Variants in CNTNAP2 observed in about 807,000 individuals in gnomAD.
CNTNAP2 encodes the protein contactin associated protein 2.
In CNTNAP2, 98 loss-of-function variants were observed where a neutral mutation model predicts 155.2. The ratio of observed to expected loss-of-function variants is 0.63; its 90% CI spans 0.54 to 0.75. The LOEUF (loss-of-function observed/expected upper bound fraction) is 0.75. Among genes scored for constraint, CNTNAP2 ranks in the 30% least tolerant of loss-of-function variants. The pLI is 0.00. For synonymous variants in CNTNAP2, 651 were observed against 631.2 expected (o/e 1.03, Z -0.47); for missense variants, 1,727 against 1,688.1 (o/e 1.02, Z -0.40).
chr7:146,989,490 G>T (rs952416483), intron 3 of CNTNAP2, among the ~76,000 whole-genome samples: 8 of 151,958 alleles, frequency 5.3e-5, no homozygotes, highest in Non-Finnish European at 1.2e-4. Context: ...AAGAGATCTT[G>T]TCAGCACATA....
At chr7:147,374,126 A>G (rs1796395289) in intron 9 of CNTNAP2, among the ~76,000 whole-genome samples, 1 of 152,054 alleles carries the variant, frequency 6.6e-6, no homozygotes, top group East Asian at 1.9e-4. Flanking sequence ...GAAACTGTAA[A>G]CAAACCTTCA....
chr7:146,362,971 A>G (rs1290409757), intron 1 of CNTNAP2, among the ~76,000 whole-genome samples: 1 of 151,862 alleles, frequency 6.6e-6, no homozygotes, highest in Non-Finnish European at 1.5e-5. Flanking sequence ...GGGTTTCACC[A>G]TGTTGGCCAG....
At chr7:147,118,102 AT>A (rs979437380) in intron 5 of CNTNAP2, among the ~76,000 whole-genome samples, 8 of 152,206 alleles carry the variant, frequency 5.3e-5, no homozygotes, top group East Asian at 1.9e-4. Context: ...AAAGAAAAAA[AT>A]ATTATATAAA....
At chr7:146,358,091 G>A (rs375374309) in intron 1 of CNTNAP2, among the ~76,000 whole-genome samples, 3 of 151,872 alleles carry the variant, frequency 2.0e-5, no homozygotes, top group African/African-American at 7.3e-5. Context: ...CTGGAGTGCA[G>A]TGGCATGATC....
At chr7:147,405,442 T>C (rs1212034604) in intron 10 of CNTNAP2, among the ~76,000 whole-genome samples, 1 of 152,206 alleles carries the variant, frequency 6.6e-6, no homozygotes, top group African/African-American at 2.4e-5. Context: ...CTCATGGACA[T>C]GTACCATTCT....
intron 15 of CNTNAP2, among the ~76,000 whole-genome samples, chr7:148,097,734 G>A (rs1003951173): frequency 6.6e-6 from 1 of 152,098 alleles, no homozygotes; most frequent in African/African-American, 2.4e-5. Flanking sequence ...AGCCCTCCTC[G>A]GCTGTTAGAG....
chr7:146,738,880 A>T (rs918920506), intron 1 of CNTNAP2, among the ~76,000 whole-genome samples: 1 of 149,888 alleles, frequency 6.7e-6, no homozygotes, highest in South Asian at 2.1e-4. Flanking sequence ...TAGATGGTGT[A>T]TATCAAGGAA....
chr7:147,205,738 C>G (rs1292735525), intron 8 of CNTNAP2, among the ~76,000 whole-genome samples: 2 of 150,748 alleles, frequency 1.3e-5, no homozygotes, highest in African/African-American at 2.4e-5. Flanking sequence ...TTACCAGCAG[C>G]TGGGAAGGGA....
chr7:147,273,351 C>T (rs1804805619), intron 8 of CNTNAP2, among the ~76,000 whole-genome samples: 1 of 152,036 alleles, frequency 6.6e-6, no homozygotes, highest in African/African-American at 2.4e-5. Context: ...AGAGCAACAT[C>T]TTTAATTTTT....
chr7:147,522,786 A>G (rs1462005764), intron 11 of CNTNAP2, among the ~76,000 whole-genome samples: 8 of 150,426 alleles, frequency 5.3e-5, no homozygotes, highest in Non-Finnish European at 8.8e-5. Context: ...AAACAAAAAA[A>G]CAAAAAAAAA....
intron 8 of CNTNAP2, among the ~76,000 whole-genome samples, chr7:147,236,855 C>G (rs10263400): frequency 6.6e-6 from 1 of 151,948 alleles, no homozygotes; most frequent in Non-Finnish European, 1.5e-5. Flanking sequence ...AAGCAACCCT[C>G]TATTGCTCAC....
intron 3 of CNTNAP2, among the ~76,000 whole-genome samples, chr7:147,005,405 C>G (rs980175959): frequency 1.1e-4 from 16 of 152,026 alleles, no homozygotes; most frequent in African/African-American, 3.6e-4. Flanking sequence ...ATTTTTTTCT[C>G]TACCCTACTG....
chr7:146,253,531 T>A (rs1357138789), intron 1 of CNTNAP2, among the ~76,000 whole-genome samples: 1 of 152,258 alleles, frequency 6.6e-6, no homozygotes, highest in African/African-American at 2.4e-5. Flanking sequence ...TCTTTATTCC[T>A]ATTTTATTTT....
chr7:146,643,576 T>C (rs1738798371), intron 1 of CNTNAP2, among the ~76,000 whole-genome samples: 3 of 152,172 alleles, frequency 2.0e-5, no homozygotes, highest in Non-Finnish European at 2.9e-5. Context: ...TGTAGTATAG[T>C]TTGAAGTCAG....
chr7:146,685,901 G>A (rs1450318286), intron 1 of CNTNAP2, among the ~76,000 whole-genome samples: 3 of 152,102 alleles, frequency 2.0e-5, no homozygotes, highest in Non-Finnish European at 4.4e-5. Flanking sequence ...CTACAGTTAT[G>A]TGTTCAATGG....
At chr7:148,142,719 C>T (rs1449290870) in intron 16 of CNTNAP2, among the ~76,000 whole-genome samples, 1 of 152,188 alleles carries the variant, frequency 6.6e-6, no homozygotes, top group East Asian at 1.9e-4. Flanking sequence ...TATCTAAATG[C>T]TCCCTCACCT....
intron 9 of CNTNAP2, among the ~76,000 whole-genome samples, chr7:147,346,906 T>C (rs1795872791): frequency 6.6e-6 from 1 of 152,172 alleles, no homozygotes; most frequent in Admixed American, 6.5e-5. Flanking sequence ...ATGTTACTCT[T>C]AGTCCTGTTT....
chr7:146,948,314 G>GAAAAATTATTTTTGACAGAAAAAT (rs59866139), intron 3 of CNTNAP2, among the ~76,000 whole-genome samples: 47,184 of 151,344 alleles, frequency 0.31, 7,860 homozygotes, highest in Non-Finnish European at 0.36. Context: ...AATAAAGACA[G>GAAAAATTATTTTTGACAGAAAAAT]AAAAATTATT....
chr7:148,144,455 C>A (rs776850215), intron 16 of CNTNAP2, among the ~76,000 whole-genome samples: 2 of 152,204 alleles, frequency 1.3e-5, no homozygotes, highest in African/African-American at 2.4e-5. Flanking sequence ...CTCAGGCTGC[C>A]TGCTGTGTTG....
Sources: allele counts gnomAD v4.1 joint callset (sites outside exome capture counted in the v4.1 genomes callset), GRCh38; gene constraint gnomAD v4.1.1; transcripts MANE v1.5; gene names NCBI Gene and HGNC (gene_info 2026-07-23, HGNC 2026-07-21).